Variants in CLSTN3 observed in about 807,000 individuals in gnomAD.
CLSTN3 encodes calsyntenin-3.
A neutral mutation model predicts 95.9 loss-of-function variants in CLSTN3; 36 were observed. That is an observed-to-expected ratio of 0.38 (90% CI 0.29 to 0.50). The LOEUF (loss-of-function observed/expected upper bound fraction) is 0.50. CLSTN3 is among the 20% of genes least tolerant of loss of function. The pLI is 0.95. For synonymous variants in CLSTN3, 481 were observed against 504.0 expected (o/e 0.95, Z 0.61); for missense variants, 1,084 against 1,268.8 (o/e 0.85, Z 2.21).
chr12:7,130,306 C>T, upstream of CLSTN3: 1 of 903,906 alleles, frequency 1.1e-6, no homozygotes. Flanking sequence ...CACCTGGTCC[C>T]CCCCCCTCCC....
rs1419750539 is a variant in CLSTN3 at position 7,157,834 on chromosome 12, G to A, written c.2731-107G>A. 1 of 1,507,040 alleles carries A rather than the reference G, an allele frequency of 6.6e-7. No homozygotes were observed. The highest frequency in any genetic ancestry group is 8.9e-7 in the Non-Finnish European group (1 of 1,121,392). 93.4% of individuals were successfully genotyped at this position (1,507,040 alleles called of 1,614,324 possible). A position where few individuals can be genotyped will look rare whatever the true frequency, so the allele number is the denominator to read the frequency against. On this transcript the variant is annotated intron_variant, in intron 17 of 17. Transcript: ENST00000266546. This position sits in a 1 kb window ranked among gnomAD's most constrained non-coding sequence, Gnocchi z 5.9. ...GAGGGAGAGAGGTTCAGGCAGGGAA[G>A]GGGGTACACAGGGGTTAAGGGGACC... is the stretch of plus-strand genomic sequence containing the variant.
chr12:7,150,877 G>C lies in CLSTN3; in HGVS notation c.2392-51G>C. ...GATGGGGCTGGGGTCTAGAGAAGTG[G>C]GGAGGACCTGGGAGAAGCGTGTGTG... On this transcript the variant is annotated intron_variant, in intron 15 of 17. Coordinates refer to ENST00000266546, the MANE Select transcript of CLSTN3 (RefSeq NM_014718.4). The surrounding 1 kb of genome is among the most constrained non-coding windows in gnomAD (Gnocchi z 4.0). 2 of 1,550,062 alleles carry C rather than the reference G, an allele frequency of 1.3e-6. No individual in the cohort carries two copies. Among genetic ancestry groups the C allele is most frequent in the Non-Finnish European group, 1.8e-6 (2 of 1,142,338 alleles).
intron 16 of CLSTN3, among the ~76,000 whole-genome samples, chr12:7,153,027 G>A (rs1939751457): frequency 6.6e-6 from 1 of 152,158 alleles, no homozygotes; most frequent in Admixed American, 6.5e-5. Flanking sequence ...CTCCTCTGAT[G>A]CCCCCAGGGA....
Position 7,149,591 on chromosome 12 carries a change from G to C in CLSTN3, c.2143G>C (p.Asp715His), listed in dbSNP as rs749756856. Residue 715 changes from aspartate to histidine, a missense_variant, in exon 14 of 18, where the codon GAT becomes CAT. By Grantham distance (81) the Asp-to-His change is moderately conservative. Transcript: ENST00000266546. This position sits in a 1 kb window ranked among gnomAD's most constrained non-coding sequence, Gnocchi z 4.5. ...TGGCTGTGAAATTTCTCTGGTGGGG[G>C]ATGACCTGGATCCCGAGCGGGAAAG... The part of the protein sequence containing the change: ...LDGCEISLVG[D>H]DLDPERESLL... 1 of 1,614,146 alleles carries C rather than the reference G, an allele frequency of 6.2e-7. No homozygotes were observed. Among genetic ancestry groups the C allele is most frequent in the Non-Finnish European group, 8.5e-7 (1 of 1,180,008 alleles).
Position 7,151,076 on chromosome 12 carries a change from G to C in CLSTN3, c.2527+13G>C. On this transcript the variant is annotated intron_variant, in intron 16 of 17. Coordinates refer to ENST00000266546, the MANE Select transcript of CLSTN3 (RefSeq NM_014718.4). ...CACAGAAACTCCAGTACGTAAGCCT[G>C]GTGGGGCTGGGCAGGGAGGGGCAGG... is the stretch of plus-strand genomic sequence containing the variant. 1 of 1,564,618 alleles carries C rather than the reference G, an allele frequency of 6.4e-7. No homozygotes were observed. The highest frequency in any genetic ancestry group is 1.2e-5 in the South Asian group (1 of 84,638).
At chr12:7,143,052 T>C in intron 11 of CLSTN3, 26 bp downstream of exon 11, 1 of 1,605,732 alleles carries the variant, frequency 6.2e-7, no homozygotes. Flanking sequence ...CTAGCCCTGT[T>C]CTTCCCAGCA....
At position 7,133,707 on chromosome 12, in the gene CLSTN3, A is replaced by C; in HGVS notation, c.322A>C (p.Thr108Pro). Reference protein sequence around the residue: ...DCEAQKEHTFTIQAYDCGEGP... With the variant: ...DCEAQKEHTFPIQAYDCGEGP... The stretch of plus-strand genomic sequence containing the variant: ...CGAGGCCCAGAAGGAACACACCTTC[A>C]CCATCCAGGCCTATGACTGTGGCGA... The change falls in exon 3 of 18, where the codon ACC (threonine) becomes CCC (proline). Residue 108 changes from threonine (T) to proline (P), a missense_variant. Coordinates refer to ENST00000266546, the MANE Select transcript of CLSTN3 (RefSeq NM_014718.4). This position sits in a 1 kb window ranked among gnomAD's most constrained non-coding sequence, Gnocchi z 4.7. 6.2e-7 allele frequency: 1 copy of C among 1,613,716 alleles called. No homozygotes were observed. Among genetic ancestry groups the C allele is most frequent in the Non-Finnish European group, 8.5e-7 (1 of 1,179,814 alleles).
chr12:7,131,814 C>A, intron 1 of CLSTN3: 1 of 456,454 alleles, frequency 2.2e-6, no homozygotes, highest in Non-Finnish European at 4.4e-6. Context: ...CCTCAGCATT[C>A]AGGAAGGGGT....
intron 16 of CLSTN3, chr12:7,156,490 G>A (rs1364418525): frequency 2.2e-6 from 1 of 456,846 alleles, no homozygotes; most frequent in Admixed American, 2.3e-5. Context: ...TGCACATATG[G>A]CTCTACCGTG....
intron 16 of CLSTN3, chr12:7,156,245 G>A (rs943357848): frequency 4.4e-6 from 2 of 456,614 alleles, no homozygotes; most frequent in Admixed American, 2.3e-5. Context: ...AAGGGCCCTG[G>A]GCCTGGAGGT....
intron 16 of CLSTN3, among the ~76,000 whole-genome samples, chr12:7,154,304 A>G (rs1043127688): frequency 6.6e-6 from 1 of 152,232 alleles, no homozygotes; most frequent in African/African-American, 2.4e-5. Context: ...CTCCAGTGGC[A>G]CGGAGGCCCA....
At position 7,151,021 on chromosome 12, in the gene CLSTN3, G is replaced by A; in HGVS notation, c.2485G>A (p.Glu829Lys). The part of the protein sequence containing the change: ...FLHRGHQPPP[E>K]MAGHSLASSH... Reference sequence around the variant, plus strand: ...GCACCGTGGTCACCAGCCCCCGCCTGAGATGGCTGGACACAGCCTAGCCAG... The same window carrying A: ...GCACCGTGGTCACCAGCCCCCGCCTAAGATGGCTGGACACAGCCTAGCCAG... Residue 829 changes from glutamate to lysine, a missense_variant, in exon 16 of 18, where the codon GAG becomes AAG. Coordinates refer to ENST00000266546, the MANE Select transcript of CLSTN3 (RefSeq NM_014718.4). 3 of 1,612,140 alleles carry A rather than the reference G, an allele frequency of 1.9e-6. No homozygotes were observed. The highest frequency in any genetic ancestry group is 2.5e-6 in the Non-Finnish European group (3 of 1,178,912).
chr12:7,151,174 G>A, intron 16 of CLSTN3, 111 bp downstream of exon 16: 1 of 1,293,460 alleles, frequency 7.7e-7, no homozygotes, highest in Non-Finnish European at 1.0e-6. Flanking sequence ...GTGGAGCAAT[G>A]GGTTCTGTTC....
Position 7,150,881 on chromosome 12 carries a change from G to A in CLSTN3, c.2392-47G>A. ...GGGCTGGGGTCTAGAGAAGTGGGGAGGACCTGGGAGAAGCGTGTGTGCCCA... is the reference window on the plus strand; with the variant it reads ...GGGCTGGGGTCTAGAGAAGTGGGGAAGACCTGGGAGAAGCGTGTGTGCCCA... On this transcript the variant is annotated intron_variant, in intron 15 of 17. Transcript: ENST00000266546. The surrounding 1 kb of genome is among the most constrained non-coding windows in gnomAD (Gnocchi z 4.0). 6.4e-7 allele frequency: 1 copy of A among 1,550,984 alleles called. No homozygotes were observed. The highest frequency in any genetic ancestry group is 1.2e-5 in the South Asian group (1 of 81,890).
At position 7,137,795 on chromosome 12, in the gene CLSTN3, T is replaced by TGTGTGTGTGTGTGTGAGA. The variant is rs768487238; in HGVS notation, c.1211-159_1211-158insTGTGTGTGTGTGTGAGAG. On this transcript the variant is annotated intron_variant, in intron 7 of 17. Transcript: ENST00000266546. This position sits in a 1 kb window ranked among gnomAD's most constrained non-coding sequence, Gnocchi z 4.4. ...GTGTGTGTGTGTGTGTGTGTGTGTGTGAGAGAGAGAGAGAGAGAGAGAGAG... is the reference window on the plus strand; with the variant it reads ...GTGTGTGTGTGTGTGTGTGTGTGTGTGTGTGTGTGTGTGTGAGAGAGAGAGAGAGAGAGAGAGAGAGAG... Among the ~76,000 whole-genome samples, 133 of 70,660 alleles carry TGTGTGTGTGTGTGTGAGA rather than the reference T, an allele frequency of 1.9e-3. 5 individuals carry two copies. Among genetic ancestry groups the TGTGTGTGTGTGTGTGAGA allele is most frequent in the Admixed American group, 0.019 (96 of 5,106 alleles). 46.4% of individuals were successfully genotyped at this position (70,660 alleles called of 152,430 possible).
rs1939540144 is a variant in CLSTN3, at chr12:7,142,286, G to A, written c.1540+147G>A. The A allele has an allele frequency of 4.5e-6, 3 of 669,592 alleles. No individual in the cohort carries two copies. The East Asian group carries it at 8.3e-5, about 19-fold the overall frequency. The allele number at this position is 669,592 out of a possible 1,614,324, so 41.5% of individuals were successfully genotyped here. On this transcript the variant is annotated intron_variant, in intron 10 of 17. Coordinates refer to ENST00000266546, the MANE Select transcript of CLSTN3 (RefSeq NM_014718.4). ...AGCCTCCAAGAAATACAGCAGGGCAGGGGCTCCTGGAGTGGTAAGGCTAGA... is the reference window on the plus strand; with the variant it reads ...AGCCTCCAAGAAATACAGCAGGGCAAGGGCTCCTGGAGTGGTAAGGCTAGA...
At position 7,158,187 on chromosome 12, in the gene CLSTN3, A is replaced by G; in HGVS notation, c.*106A>G. 1 of 1,345,234 alleles carries G rather than the reference A, an allele frequency of 7.4e-7. No homozygotes were observed. Among genetic ancestry groups the G allele is most frequent in the Non-Finnish European group, 9.9e-7 (1 of 1,014,524 alleles). The allele number at this position is 1,345,234 out of a possible 1,614,324, so 83.3% of individuals were successfully genotyped here. On this transcript the variant is annotated 3_prime_UTR_variant, in exon 18 of 18. Coordinates refer to ENST00000266546, the MANE Select transcript of CLSTN3 (RefSeq NM_014718.4). ...GGAACACAGAGACCAAGAGGGAGAGAGGCTTCAGAACCAGTCCTCCTTTCA... is the reference window on the plus strand; with the variant it reads ...GGAACACAGAGACCAAGAGGGAGAGGGGCTTCAGAACCAGTCCTCCTTTCA...
chr12:7,132,929 G>T (rs774668840), intron 1 of CLSTN3, 95 bp from the exon 2 acceptor site: 1 of 1,552,914 alleles, frequency 6.4e-7, no homozygotes, highest in East Asian at 2.3e-5. Flanking sequence ...AGGTGATGGT[G>T]CTGGGGTGTG....
chr12:7,149,250 G>C lies in CLSTN3; in HGVS notation c.2074+52G>C. On this transcript the variant is annotated intron_variant, in intron 13 of 17. Transcript: ENST00000266546. This position sits in a 1 kb window ranked among gnomAD's most constrained non-coding sequence, Gnocchi z 4.5. ...CATCCAGAGAACCAGCCAGTGTCTG[G>C]AGTCAGAGTGTGGGAGAACTCCTGG... The C allele has an allele frequency of 6.7e-7, 1 of 1,490,812 alleles. No homozygotes were observed. The highest frequency in any genetic ancestry group is 1.7e-4 in the Middle Eastern group (1 of 5,780). The allele number at this position is 1,490,812 out of a possible 1,614,324, so 92.3% of individuals were successfully genotyped here. A position where few individuals can be genotyped will look rare whatever the true frequency, so the allele number is the denominator to read the frequency against.
Sources: gnomAD v4.1 joint callset for allele counts (sites outside exome capture counted in the v4.1 genomes callset) on GRCh38, gnomAD v4.1.1 for gene constraint, Gnocchi (gnomAD v3.1) non-coding constraint, MANE v1.5 for transcripts, NCBI Gene and HGNC (gene_info 2026-07-23, HGNC 2026-07-21) for gene names.